Variants in MYO3A observed in about 807,000 individuals in gnomAD.
MYO3A encodes the protein myosin IIIA.
In MYO3A, 180 loss-of-function variants were observed where a neutral mutation model predicts 192.7. The ratio of observed to expected loss-of-function variants is 0.93; its 90% CI spans 0.83 to 1.06. MYO3A has a LOEUF of 1.06. Ranked by LOEUF, MYO3A falls within the 50% of genes least tolerant of loss-of-function variation. MYO3A has a pLI of 0.00. For missense variants in MYO3A, 1,896 were observed against 1,905.0 expected (o/e 1.00, Z 0.09); for synonymous variants, 628 against 645.3 (o/e 0.97, Z 0.41).
At chr10:26,119,090 C>T in intron 17 of MYO3A, among the ~76,000 whole-genome samples, 1 of 152,138 alleles carries the variant, frequency 6.6e-6, no homozygotes, top group East Asian at 1.9e-4. Context: ...CTGTCCTCTG[C>T]CTAGAATAGT....
At chr10:26,028,441 CAAAA>C (rs1404321973) in intron 10 of MYO3A, among the ~76,000 whole-genome samples, 8 of 152,108 alleles carry the variant, frequency 5.3e-5, no homozygotes, top group Non-Finnish European at 7.4e-5. Flanking sequence ...AATTAAGTGA[CAAAA>C]GAAAGAAGCA....
At chr10:26,005,688 T>G (rs1001071330) in intron 6 of MYO3A, among the ~76,000 whole-genome samples, 2 of 152,144 alleles carry the variant, frequency 1.3e-5, no homozygotes, top group Admixed American at 1.3e-4. Flanking sequence ...TGTGTATATG[T>G]GTATATATAT....
intron 17 of MYO3A, among the ~76,000 whole-genome samples, chr10:26,110,255 G>A (rs1838079988): frequency 6.6e-6 from 1 of 152,168 alleles, no homozygotes; most frequent in South Asian, 2.1e-4. Context: ...CACTGCAGCT[G>A]TAATTTGGGA....
intron 6 of MYO3A, among the ~76,000 whole-genome samples, chr10:26,006,125 C>T (rs566092321): frequency 6.6e-6 from 1 of 152,146 alleles, no homozygotes; most frequent in African/African-American, 2.4e-5. Flanking sequence ...GATGCCCCAA[C>T]TAGCTACTGG....
At chr10:25,987,810 A>T (rs1052847509) in intron 4 of MYO3A, among the ~76,000 whole-genome samples, 3 of 152,346 alleles carry the variant, frequency 2.0e-5, no homozygotes, top group East Asian at 1.9e-4. Flanking sequence ...TTAAAGAACT[A>T]AAAGTAAATC....
rs751665692 is a variant in MYO3A at position 26,154,785 on chromosome 10, A to G, written c.2755A>G (p.Thr919Ala). 6.2e-7 allele frequency: 1 copy of G among 1,613,924 alleles called. No homozygotes were observed. The highest frequency in any genetic ancestry group is 8.5e-7 in the Non-Finnish European group (1 of 1,179,874). ...AGCCACACGTCATGCCAGAGAGACAACCAACATGAAAACACAAACGGTTGC... is the reference window on the plus strand; with the variant it reads ...AGCCACACGTCATGCCAGAGAGACAGCCAACATGAAAACACAAACGGTTGC... ...GEATRHARET[T>A]NMKTQTVASY... Residue 919 changes from threonine to alanine, a missense_variant, in exon 25 of 35, where the codon ACC becomes GCC. By Grantham distance (58) the Thr-to-Ala change is moderately conservative. Coordinates refer to ENST00000642920, the MANE Select transcript of MYO3A (RefSeq NM_017433.5).
intron 10 of MYO3A, among the ~76,000 whole-genome samples, chr10:26,050,209 A>T (rs1459506448): frequency 6.6e-6 from 1 of 150,788 alleles, no homozygotes; most frequent in Admixed American, 6.6e-5. Context: ...TTCTGTACAA[A>T]TATATTTACG....
intron 14 of MYO3A, among the ~76,000 whole-genome samples, chr10:26,085,274 T>C (rs1333312237): frequency 6.6e-6 from 1 of 152,124 alleles, no homozygotes; most frequent in African/African-American, 2.4e-5. Flanking sequence ...ATTTTGATTT[T>C]TTTTCCTTTC....
intron 10 of MYO3A, among the ~76,000 whole-genome samples, chr10:26,064,701 AT>A: frequency 6.6e-6 from 1 of 152,192 alleles, no homozygotes; most frequent in Non-Finnish European, 1.5e-5. Flanking sequence ...CCTAGATAGA[AT>A]TTGATGATAG....
chr10:25,966,668 T>C (rs1838287269), intron 4 of MYO3A, among the ~76,000 whole-genome samples: 1 of 152,204 alleles, frequency 6.6e-6, no homozygotes, highest in Non-Finnish European at 1.5e-5. Flanking sequence ...TTGAACCCCA[T>C]GCAGCAAAAA....
At chr10:25,979,424 A>T (rs1451460739) in intron 4 of MYO3A, among the ~76,000 whole-genome samples, 1 of 151,694 alleles carries the variant, frequency 6.6e-6, no homozygotes, top group East Asian at 1.9e-4. Context: ...AAAAAAAAAA[A>T]AGAAAACAGT....
intron 6 of MYO3A, among the ~76,000 whole-genome samples, 166 bp downstream of exon 6, chr10:25,997,424 T>A (rs1429464422): frequency 6.6e-6 from 1 of 152,204 alleles, no homozygotes; most frequent in Non-Finnish European, 1.5e-5. Context: ...AATGAGAGAT[T>A]CCCAGAAGAA....
intron 20 of MYO3A, among the ~76,000 whole-genome samples, chr10:26,131,196 G>A (rs1342540208): frequency 2.0e-5 from 3 of 152,094 alleles, no homozygotes; most frequent in African/African-American, 7.2e-5. Context: ...ATAACAGTCT[G>A]CTGAAAGCAT....
chr10:26,202,151 A>T, intron 33 of MYO3A, among the ~76,000 whole-genome samples: 1 of 152,214 alleles, frequency 6.6e-6, no homozygotes, highest in East Asian at 1.9e-4. Context: ...ATCAATGTTC[A>T]TGTCAACCAA....
Position 26,176,829 on chromosome 10 carries a change from T to C in MYO3A, c.4422T>C (p.Ser1474=). Residue 1474 remains serine (S), a synonymous_variant, in exon 31 of 35, where the codon TCT becomes TCC. Transcript: ENST00000642920. ...AGCCAATTAATAGACGAGTTTCTTC[T>C]CAGCAGTGCCTCTCAGGTAAAAATC... The part of the protein sequence containing the change: ...HHKPINRRVS[S]QQCLSGVCKG... 6.2e-7 allele frequency: 1 copy of C among 1,614,190 alleles called. No homozygotes were observed.
intron 4 of MYO3A, among the ~76,000 whole-genome samples, chr10:25,962,729 A>T (rs1838012020): frequency 6.6e-6 from 1 of 152,170 alleles, no homozygotes; most frequent in South Asian, 2.1e-4. Flanking sequence ...AGCTGGGAAG[A>T]TGAGGACTCG....
rs1842166468 is a variant in MYO3A at position 26,173,676 on chromosome 10, A to G, written c.3412A>G (p.Lys1138Glu). The G allele has an allele frequency of 1.9e-6, 3 of 1,613,492 alleles. No homozygotes were observed. The South Asian group carries it at 3.3e-5, about 18-fold the overall frequency. Residue 1138 changes from lysine to glutamate, a missense_variant, in exon 30 of 35, where the codon AAG (lysine) becomes GAG (glutamate). Lys to Glu is a moderately conservative substitution (Grantham distance 56). Coordinates refer to ENST00000642920, the MANE Select transcript of MYO3A (RefSeq NM_017433.5). ...TATTTTACACAGGGAATCTTTCGTG[A>G]AGAAACAAGCAGAAAATGCAATCTC... ...NFENTRESFVKKQAENAISAN... is the reference protein window; with the variant it reads ...NFENTRESFVEKQAENAISAN...
At position 26,212,058 on chromosome 10, in the gene MYO3A, C is replaced by A. The variant is rs748614590; in HGVS notation, c.*95C>A. 8.7e-6 allele frequency: 13 copies of A among 1,501,630 alleles called. No individual in the cohort carries two copies. The African/African-American group carries it at 1.4e-4, about 16-fold the overall frequency. 93.0% of individuals were successfully genotyped at this position (1,501,630 alleles called of 1,614,324 possible). Reference sequence around the variant, plus strand: ...ACTCTGGGGCTGGCACCAGCAGGCACTGAAGCTGCGGCCCTGATCTCCGCA... The same window carrying A: ...ACTCTGGGGCTGGCACCAGCAGGCAATGAAGCTGCGGCCCTGATCTCCGCA... On this transcript the variant is annotated 3_prime_UTR_variant, in exon 35 of 35. Coordinates refer to ENST00000642920, the MANE Select transcript of MYO3A (RefSeq NM_017433.5).
intron 24 of MYO3A, among the ~76,000 whole-genome samples, chr10:26,154,214 C>T (rs1840968421): frequency 6.6e-6 from 1 of 152,154 alleles, no homozygotes; most frequent in Non-Finnish European, 1.5e-5. Flanking sequence ...TGGAGTCTCA[C>T]TCTGTCACCC....
Sources: gnomAD v4.1 joint callset for allele counts (sites outside exome capture counted in the v4.1 genomes callset) on GRCh38, gnomAD v4.1.1 for gene constraint, MANE v1.5 for transcripts, NCBI Gene and HGNC (gene_info 2026-07-23, HGNC 2026-07-21) for gene names.